Variants in MAP3K13 observed in about 807,000 individuals in gnomAD.
MAP3K13 encodes mitogen-activated protein kinase kinase kinase 13.
In MAP3K13, 52 loss-of-function variants were observed where a neutral mutation model predicts 104.0. The ratio of observed to expected loss-of-function variants is 0.50; its 90% CI spans 0.40 to 0.63. MAP3K13 has a LOEUF of 0.63. Ranked by LOEUF, MAP3K13 falls within the 20% of genes least tolerant of loss-of-function variation. The probability of loss-of-function intolerance (pLI) is 0.00; values close to 1 mark genes in which losing one functional copy is unlikely to be tolerated. For missense variants in MAP3K13, 914 were observed against 1,218.5 expected, an observed-to-expected ratio of 0.75 and a Z score of 3.72; for synonymous variants, 394 against 442.2, an observed-to-expected ratio of 0.89 and a Z score of 1.37.
intron 7 of MAP3K13, among the ~76,000 whole-genome samples, chr3:185,462,905 T>C (rs1717196890): frequency 6.6e-6 from 1 of 152,258 alleles, no homozygotes; most frequent in African/African-American, 2.4e-5. Context: ...AACCATGTAT[T>C]AGACATCCAT....
At chr3:185,441,395 A>G (rs1715312443) in intron 3 of MAP3K13, among the ~76,000 whole-genome samples, 1 of 152,250 alleles carries the variant, frequency 6.6e-6, no homozygotes, top group East Asian at 1.9e-4. Context: ...GTGAACCTCT[A>G]GGCGTTGAGG....
At chr3:185,344,798 T>C (rs1301655158) in intron 2 of MAP3K13, among the ~76,000 whole-genome samples, 1 of 152,190 alleles carries the variant, frequency 6.6e-6, no homozygotes, top group African/African-American at 2.4e-5. Flanking sequence ...CCCAAATCTG[T>C]CACCTTTTCC....
intron 2 of MAP3K13, among the ~76,000 whole-genome samples, chr3:185,350,526 T>C (rs1348187253): frequency 1.3e-5 from 2 of 151,826 alleles, no homozygotes; most frequent in East Asian, 3.9e-4. Context: ...TTATATCTTG[T>C]TGGATCTCTG....
intron 2 of MAP3K13, among the ~76,000 whole-genome samples, chr3:185,347,043 G>A (rs757495548): frequency 2.0e-5 from 3 of 147,348 alleles, no homozygotes; most frequent in Non-Finnish European, 4.4e-5. Context: ...CTGGAGTGCA[G>A]TGGCGCAATC....
intron 3 of MAP3K13, among the ~76,000 whole-genome samples, chr3:185,438,339 T>C (rs1715155705): frequency 6.7e-6 from 1 of 149,768 alleles, no homozygotes. Flanking sequence ...GAGACAAAGG[T>C]AACATCTGAA....
intron 2 of MAP3K13, among the ~76,000 whole-genome samples, chr3:185,320,680 G>A (rs1721822235): frequency 6.6e-6 from 1 of 152,174 alleles, no homozygotes; most frequent in East Asian, 1.9e-4. Context: ...TTTACTTGGT[G>A]GGAGTATTAC....
intron 1 of MAP3K13, among the ~76,000 whole-genome samples, chr3:185,407,615 A>G (rs553845982): frequency 6.6e-6 from 1 of 152,224 alleles, no homozygotes; most frequent in Non-Finnish European, 1.5e-5. Flanking sequence ...ATTGCTCAGG[A>G]CAGCGTGGGG....
intron 8 of MAP3K13, 22 bp downstream of exon 8, chr3:185,463,681 C>T (rs759286852): frequency 1.4e-6 from 2 of 1,415,430 alleles, no homozygotes; most frequent in Admixed American, 1.7e-5. Context: ...CCTCCTTCCC[C>T]ACCTCCCTTC....
intron 1 of MAP3K13, among the ~76,000 whole-genome samples, chr3:185,412,967 T>TGG (rs1440221957): frequency 2.6e-5 from 4 of 152,212 alleles, no homozygotes; most frequent in Non-Finnish European, 5.9e-5. Context: ...CAAGGAATGA[T>TGG]GGTAGCAGTA....
intron 2 of MAP3K13, among the ~76,000 whole-genome samples, chr3:185,334,680 G>A (rs1019099180): frequency 4.6e-5 from 7 of 151,040 alleles, no homozygotes; most frequent in Admixed American, 2.0e-4. Flanking sequence ...GTGCCATCTC[G>A]GCTCACTGCA....
At position 185,465,912 on chromosome 3, in the gene MAP3K13, C is replaced by A. The variant is rs765635416; in HGVS notation, c.1505+49C>A. ...TTCTTACTGATTTGAGTCTGTCAAT[C>A]AGCAGAAACATACTACCCTTCCATG... On this transcript the variant is annotated intron_variant, in intron 9 of 13. Coordinates refer to ENST00000265026, the MANE Select transcript of MAP3K13 (RefSeq NM_004721.5). 6 of 1,286,620 alleles carry A rather than the reference C, an allele frequency of 4.7e-6. No homozygotes were observed. The Admixed American group carries it at 6.7e-5, about 14-fold the overall frequency. 79.7% of individuals were successfully genotyped at this position (1,286,620 alleles called of 1,614,324 possible).
At chr3:185,306,297 G>C (rs1721287173) in intron 2 of MAP3K13, among the ~76,000 whole-genome samples, 1 of 152,186 alleles carries the variant, frequency 6.6e-6, no homozygotes, top group African/African-American at 2.4e-5. Flanking sequence ...TGTATACCCA[G>C]AAATGGAATT....
intron 2 of MAP3K13, among the ~76,000 whole-genome samples, chr3:185,347,654 A>T (rs1722980477): frequency 6.6e-6 from 1 of 152,190 alleles, no homozygotes; most frequent in Admixed American, 6.5e-5. Context: ...AGGCATTTTG[A>T]GGGAACAATA....
chr3:185,393,239 T>G (rs960527363), intron 1 of MAP3K13, among the ~76,000 whole-genome samples: 1 of 152,142 alleles, frequency 6.6e-6, no homozygotes, highest in African/African-American at 2.4e-5. Context: ...TTTAACTCAT[T>G]AATTAATGAG....
intron 10 of MAP3K13, 47 bp from the exon 11 acceptor site, chr3:185,472,928 G>C (rs780115442): frequency 3.2e-6 from 5 of 1,544,692 alleles, no homozygotes; most frequent in Non-Finnish European, 4.4e-6. Flanking sequence ...CCCCAAACTT[G>C]AATGTGTTTT....
chr3:185,465,867 T>C lies in MAP3K13; in HGVS notation c.1505+4T>C, dbSNP rs1350578245. 10 of 1,595,296 alleles carry C rather than the reference T, an allele frequency of 6.3e-6. No homozygotes were observed. Among genetic ancestry groups the C allele is most frequent in the Admixed American group, 5.0e-5 (3 of 59,982 alleles). ...TGCGGGAGAAGGAGCTCATTAAGTA[T>C]GTATCCAGACTAGTGTCTGTTCTTA... On this transcript the variant is annotated splice_donor_region_variant and intron_variant, in intron 9 of 13. Transcript: ENST00000265026.
chr3:185,356,641 A>G (rs1239648866), intron 2 of MAP3K13, among the ~76,000 whole-genome samples: 2 of 152,212 alleles, frequency 1.3e-5, no homozygotes, highest in Non-Finnish European at 2.9e-5. Flanking sequence ...ATAGTTGTCA[A>G]ACATCCTGGG....
At chr3:185,417,758 G>A in intron 1 of MAP3K13, 1 of 1,612,436 alleles carries the variant, frequency 6.2e-7, no homozygotes, top group Non-Finnish European at 8.5e-7. Flanking sequence ...GCCTGGCGAA[G>A]AATGGTGTTC....
At chr3:185,478,252 C>T (rs1718242125) in intron 12 of MAP3K13, among the ~76,000 whole-genome samples, 1 of 152,110 alleles carries the variant, frequency 6.6e-6, no homozygotes, top group South Asian at 2.1e-4. Flanking sequence ...TAAAAGCTGC[C>T]TCTAATGTAG....
Sources: gnomAD v4.1 joint callset for allele counts (sites outside exome capture counted in the v4.1 genomes callset) on GRCh38, gnomAD v4.1.1 for gene constraint, MANE v1.5 for transcripts, NCBI Gene and HGNC (gene_info 2026-07-23, HGNC 2026-07-21) for gene names.